ALDH1L2: variants seen among roughly 807,000 people sequenced by gnomAD.
The protein encoded by ALDH1L2 is mitochondrial 10-formyltetrahydrofolate dehydrogenase.
Under a neutral mutation model 111.0 loss-of-function variants are expected in ALDH1L2, and 91 were observed. The ratio of observed to expected loss-of-function variants is 0.82; its 90% CI spans 0.69 to 0.98. The LOEUF is 0.98. ALDH1L2 is among the 50% of genes least tolerant of loss of function. The pLI is 0.00. For synonymous variants in ALDH1L2, 374 were observed against 392.6 expected (o/e 0.95, Z 0.56); for missense variants, 995 against 1,126.8 (o/e 0.88, Z 1.67).
At chr12:105,031,020 A>G (rs1305048215) in intron 20 of ALDH1L2, among the ~76,000 whole-genome samples, 1 of 152,156 alleles carries the variant, frequency 6.6e-6, no homozygotes, top group African/African-American at 2.4e-5. Flanking sequence ...TGCTATCGTC[A>G]TGTTAAAGAG....
At chr12:105,052,043 A>G in intron 12 of ALDH1L2, 47 bp downstream of exon 12, 2 of 1,465,064 alleles carry the variant, frequency 1.4e-6, no homozygotes, top group South Asian at 1.4e-5. Flanking sequence ...CCCTGTCTCT[A>G]CCAGAGTTAC....
chr12:105,042,015 T>G (rs74585880), intron 15 of ALDH1L2, among the ~76,000 whole-genome samples: 1,666 of 152,326 alleles, frequency 0.011, 39 homozygotes, highest in African/African-American at 0.038. Flanking sequence ...CTGGACATTA[T>G]TGAGGGGTCA....
Position 105,060,904 on chromosome 12 carries a change from T to G in ALDH1L2, c.1139+77A>C. On this transcript the variant is annotated intron_variant, in intron 9 of 22. Transcript: ENST00000258494. ...TCACATCCAGAACAAAGGATGTGTG[T>G]GGATTTCACTGTCAAAGCCAAAGTC... The G allele has an allele frequency of 4.6e-6, 6 of 1,312,080 alleles. 1 individual carries two copies. The South Asian group carries it at 6.0e-5, about 13-fold the overall frequency. The allele number at this position is 1,312,080 out of a possible 1,614,324, so 81.3% of individuals were successfully genotyped here.
rs563145341 is a variant in ALDH1L2 at position 105,034,328 on chromosome 12, G to A, written c.2216C>T (p.Ser739Phe). 1.6e-5 allele frequency: 26 copies of A among 1,613,914 alleles called. No homozygotes were observed. Among genetic ancestry groups the A allele is most frequent in the African/African-American group, 1.1e-4 (8 of 75,012 alleles). ...IAAGRLFVEESIHDEFVTRVV... is the reference protein window; with the variant it reads ...IAAGRLFVEEFIHDEFVTRVV... The stretch of plus-strand genomic sequence containing the variant: ...TCTTGTCACAAATTCGTCGTGGATG[G>A]ATTCTTCCACGAACAACCGCCCAGC... The change falls in exon 19 of 23, where the codon TCC becomes TTC. Residue 739 changes from serine (S) to phenylalanine (F), a missense_variant. Coordinates refer to ENST00000258494, the MANE Select transcript of ALDH1L2 (RefSeq NM_001034173.4).
At chr12:105,030,200 A>T in intron 21 of ALDH1L2, 124 bp downstream of exon 21, 2 of 574,252 alleles carry the variant, frequency 3.5e-6, no homozygotes, top group Non-Finnish European at 5.4e-6. Context: ...TATTTAAGTT[A>T]ATTATTCTTA....
intron 2 of ALDH1L2, among the ~76,000 whole-genome samples, chr12:105,073,159 A>G (rs1010960649): frequency 2.0e-5 from 3 of 151,874 alleles, no homozygotes; most frequent in African/African-American, 4.8e-5. Flanking sequence ...TGTGTACATT[A>G]ATCTAATTTA....
Position 105,026,576 on chromosome 12 carries a change from T to G in ALDH1L2, c.2685A>C (p.Gly895=), listed in dbSNP as rs1874418665. 3.1e-6 allele frequency: 5 copies of G among 1,614,106 alleles called. No individual in the cohort carries two copies. Among genetic ancestry groups the G allele is most frequent in the Non-Finnish European group, 4.2e-6 (5 of 1,180,004 alleles). ...NKTDVAAPFG[G]VKQSGFGKDL... ...CTTTTCCAAAGCCAGATTGTTTAACTCCGCCAAATGGGGCCGCCACATCTG... is the reference window on the plus strand; with the variant it reads ...CTTTTCCAAAGCCAGATTGTTTAACGCCGCCAAATGGGGCCGCCACATCTG... Residue 895 remains glycine, a synonymous_variant, in exon 22 of 23, where the codon GGA becomes GGC. Coordinates refer to ENST00000258494, the MANE Select transcript of ALDH1L2 (RefSeq NM_001034173.4).
Position 105,058,313 on chromosome 12 carries a change from G to A in ALDH1L2, c.1140-93C>T, listed in dbSNP as rs117769618. ...CACTTGTCAAGTTGTTTTGAGGTAA[G>A]ACTTACATCACATGCCTATTTATAT... On this transcript the variant is annotated intron_variant, in intron 9 of 22. Transcript: ENST00000258494. 348 of 1,330,302 alleles carry A rather than the reference G, an allele frequency of 2.6e-4. 3 individuals carry two copies. In the East Asian group the frequency reaches 8.5e-3, roughly 32 times the overall value. The allele number at this position is 1,330,302 out of a possible 1,614,324, so 82.4% of individuals were successfully genotyped here.
chr12:105,038,260 T>TCTCACACACACA, intron 17 of ALDH1L2, 58 bp from the exon 18 acceptor site: 8 of 584,098 alleles, frequency 1.4e-5, no homozygotes, highest in Admixed American at 2.6e-5. Flanking sequence ...TCTCTCTCTC[T>TCTCACACACACA]CACACACACA....
In ALDH1L2 at chr12:105,059,395, G is replaced by T. The variant is rs187138230; in HGVS notation, c.1140-1175C>A. Reference sequence around the variant, plus strand: ...ACTAGTAGGGAGGATGAGATGAAAGGATGGCTATCCCAGGAGTGCAAGGCT... The same window carrying T: ...ACTAGTAGGGAGGATGAGATGAAAGTATGGCTATCCCAGGAGTGCAAGGCT... On this transcript the variant is annotated intron_variant, in intron 9 of 22. Transcript: ENST00000258494. 1.7e-3 allele frequency among the ~76,000 whole-genome samples: 251 copies of T among 151,364 alleles called. 1 individual carries two copies. The highest frequency in any genetic ancestry group is 6.0e-3 in the African/African-American group (247 of 41,226).
At chr12:105,050,105 T>C in intron 12 of ALDH1L2, 47 bp from the exon 13 acceptor site, 1 of 1,497,468 alleles carries the variant, frequency 6.7e-7, no homozygotes, top group South Asian at 1.3e-5. Context: ...TTGATTGAGC[T>C]CCTGTCACAT....
chr12:105,070,876 G>T, intron 2 of ALDH1L2, 72 bp from the exon 3 acceptor site: 2 of 1,231,788 alleles, frequency 1.6e-6, no homozygotes, highest in Non-Finnish European at 2.3e-6. Flanking sequence ...TTCATATGTT[G>T]TAATTTTACA....
intron 1 of ALDH1L2, among the ~76,000 whole-genome samples, chr12:105,076,395 T>C (rs1407028616): frequency 6.6e-6 from 1 of 152,208 alleles, no homozygotes; most frequent in Non-Finnish European, 1.5e-5. Flanking sequence ...CATTATTATC[T>C]CATTTGATTG....
At chr12:105,062,567 A>G (rs1328318210) in intron 7 of ALDH1L2, among the ~76,000 whole-genome samples, 3 of 152,210 alleles carry the variant, frequency 2.0e-5, no homozygotes, top group Admixed American at 6.5e-5. Flanking sequence ...GGCATTGGGA[A>G]GGCAGACAGA....
chr12:105,037,775 T>C (rs2136057641), intron 18 of ALDH1L2, among the ~76,000 whole-genome samples: 1 of 151,852 alleles, frequency 6.6e-6, no homozygotes, highest in South Asian at 2.1e-4. Context: ...TTTTTCTTTT[T>C]TTTTTTTGAG....
At position 105,020,997 on chromosome 12, in the gene ALDH1L2, C is replaced by T. The variant is rs1874132629; in HGVS notation, c.*3427G>A. 6.6e-6 allele frequency: 1 copy of T among 152,264 alleles called. No individual in the cohort carries two copies. Among genetic ancestry groups the T allele is most frequent in the South Asian group, 2.1e-4 (1 of 4,836 alleles). 9.4% of individuals were successfully genotyped at this position (152,264 alleles called of 1,614,324 possible). On this transcript the variant is annotated 3_prime_UTR_variant, in exon 23 of 23. Transcript: ENST00000258494. ...TGTTAAATATTTTACCAGCACACCCCTGGGAAGAGGAAGAATAAGGACAGA... is the reference window on the plus strand; with the variant it reads ...TGTTAAATATTTTACCAGCACACCCTTGGGAAGAGGAAGAATAAGGACAGA...
intron 21 of ALDH1L2, among the ~76,000 whole-genome samples, chr12:105,029,886 G>A (rs1178810957): frequency 2.0e-5 from 3 of 152,102 alleles, no homozygotes; most frequent in Non-Finnish European, 2.9e-5. Flanking sequence ...TTGATTATAT[G>A]ATGATTATGA....
At position 105,070,773 on chromosome 12, in the gene ALDH1L2, C is replaced by A; in HGVS notation, c.225G>T (p.Val75=). 6.2e-7 allele frequency: 1 copy of A among 1,614,100 alleles called. No individual in the cohort carries two copies. ...ALAAEKDGTP[V]FKLPKWRVKG... is the part of the protein sequence containing the mutation. Reference sequence around the variant, plus strand: ...TGACCCTCCATTTAGGAAGCTTGAACACAGGGGTCCCATCTTTCTCTGCAG... The same window carrying A: ...TGACCCTCCATTTAGGAAGCTTGAAAACAGGGGTCCCATCTTTCTCTGCAG... The change falls in exon 3 of 23, where the codon GTG becomes GTT. Residue 75 remains valine, a synonymous_variant. Coordinates refer to ENST00000258494, the MANE Select transcript of ALDH1L2 (RefSeq NM_001034173.4).
chr12:105,025,552 G>C (rs555229441), intron 22 of ALDH1L2, among the ~76,000 whole-genome samples: 8 of 152,104 alleles, frequency 5.3e-5, no homozygotes, highest in South Asian at 2.1e-4. Flanking sequence ...GGAAAAGTTG[G>C]GGGGGAAGCC....
Sources: allele counts gnomAD v4.1 joint callset (sites outside exome capture counted in the v4.1 genomes callset), GRCh38; gene constraint gnomAD v4.1.1; transcripts MANE v1.5; gene names NCBI Gene and HGNC (gene_info 2026-07-23, HGNC 2026-07-21).